Variants in RC3H1 observed in about 807,000 individuals in gnomAD.
RC3H1 encodes ring finger and CCCH-type domains 1.
Under a neutral mutation model 138.2 loss-of-function variants are expected in RC3H1, and 50 were observed. The observed-to-expected ratio is 0.36, with a 90% CI of 0.29 to 0.46. The LOEUF (loss-of-function observed/expected upper bound fraction) is 0.46, where lower values mean the gene tolerates loss of function less well. RC3H1 is among the 20% of genes least tolerant of loss of function. The pLI is 1.00. For synonymous variants in RC3H1, 462 were observed against 489.1 expected, an observed-to-expected ratio of 0.94 and a Z score of 0.73; for missense variants, 1,031 against 1,388.1, an observed-to-expected ratio of 0.74 and a Z score of 4.09.
Position 173,932,173 on chromosome 1 carries a change from T to C in RC3H1, c.*6548A>G, listed in dbSNP as rs1004927959. ...GCACAATCACTTACAATCAATACGATTGGTAAATTACACAAGCTCTATCCC... is the reference window on the plus strand; with the variant it reads ...GCACAATCACTTACAATCAATACGACTGGTAAATTACACAAGCTCTATCCC... On this transcript the variant is annotated 3_prime_UTR_variant, in exon 20 of 20. Coordinates refer to ENST00000367696, the MANE Select transcript of RC3H1 (RefSeq NM_172071.4). 9.9e-5 allele frequency: 15 copies of C among 151,928 alleles called. No homozygotes were observed. Among genetic ancestry groups the C allele is most frequent in the African/African-American group, 2.2e-4 (9 of 41,348 alleles). 9.4% of individuals were successfully genotyped at this position (151,928 alleles called of 1,614,324 possible).
rs1474474880 is a variant in RC3H1, at chr1:173,938,474, C to T, written c.*247G>A. 1 of 295,650 alleles carries T rather than the reference C, an allele frequency of 3.4e-6. No individual in the cohort carries two copies. Among genetic ancestry groups the T allele is most frequent in the African/African-American group, 2.2e-5 (1 of 46,132 alleles). 18.3% of individuals were successfully genotyped at this position (295,650 alleles called of 1,614,324 possible). A position where few individuals can be genotyped will look rare whatever the true frequency, so the allele number is the denominator to read the frequency against. ...ATAAAGTTCATTCACAGAACAAAAA[C>T]AAATTTAATCTGAATTGCTTGCAGA... is the stretch of plus-strand genomic sequence containing the variant. On this transcript the variant is annotated 3_prime_UTR_variant, in exon 20 of 20. Transcript: ENST00000367696.
chr1:173,998,443 T>C (rs1661503685), intron 1 of RC3H1, among the ~76,000 whole-genome samples: 1 of 152,168 alleles, frequency 6.6e-6, no homozygotes, highest in Non-Finnish European at 1.5e-5. Flanking sequence ...TAATACAGAA[T>C]ATACATGATA....
rs1422966590 is a variant in RC3H1 at position 173,983,624 on chromosome 1, A to G, written c.386T>C (p.Leu129Pro). The part of the protein sequence containing the change: ...VGLNSTTQSV[L>P]SRPMQRKLVT... ...AAGCTTCCTCTGCATTGGGCGACTC[A>G]GAACACTCTGAGTAGTGCTGTTCAG... Residue 129 changes from leucine to proline, a missense_variant, in exon 4 of 20, where the codon CTG becomes CCG. Leu to Pro is a moderately conservative substitution (Grantham distance 98). Coordinates refer to ENST00000367696, the MANE Select transcript of RC3H1 (RefSeq NM_172071.4). 1 of 1,614,220 alleles carries G rather than the reference A, an allele frequency of 6.2e-7. No individual in the cohort carries two copies. Among genetic ancestry groups the G allele is most frequent in the Admixed American group, 1.7e-5 (1 of 60,032 alleles).
chr1:173,943,511 A>T lies in RC3H1; in HGVS notation c.3066T>A (p.Ser1022Arg), dbSNP rs748822311. 2 of 1,614,078 alleles carry T rather than the reference A, an allele frequency of 1.2e-6. No individual in the cohort carries two copies. The highest frequency in any genetic ancestry group is 2.2e-5 in the South Asian group (2 of 91,052). The stretch of plus-strand genomic sequence containing the variant: ...GGTGCAGTTCCAAGCTCAACTGCTC[A>T]CTTGAGATCATCCCAGGCCATTTTG... ...PPPKWPGMIS[S>R]EQLSLELHQV... The change falls in exon 18 of 20, where the codon AGT (serine) becomes AGA (arginine). Residue 1022 changes from serine (S) to arginine (R), a missense_variant. This residue lies in a region of RC3H1 where 716 missense variants were observed against 837.9 expected (regional missense o/e 0.85). Coordinates refer to ENST00000367696, the MANE Select transcript of RC3H1 (RefSeq NM_172071.4).
At chr1:173,971,570 C>T (rs759876615) in intron 8 of RC3H1, among the ~76,000 whole-genome samples, 1 of 152,128 alleles carries the variant, frequency 6.6e-6, no homozygotes, top group Non-Finnish European at 1.5e-5. Flanking sequence ...TGAGACACAA[C>T]ACTAAACTGG....
chr1:173,983,781 T>C (rs1330677431), intron 3 of RC3H1, 124 bp from the exon 4 acceptor site: 1 of 911,024 alleles, frequency 1.1e-6, no homozygotes, highest in African/African-American at 1.7e-5. Context: ...GTATTTAAAA[T>C]AAGCAACAAA....
intron 3 of RC3H1, among the ~76,000 whole-genome samples, chr1:173,984,176 T>C (rs1439134163): frequency 6.6e-6 from 1 of 152,234 alleles, no homozygotes; most frequent in Non-Finnish European, 1.5e-5. Context: ...GTAGTTATAT[T>C]TGCTATTATC....
intron 19 of RC3H1, among the ~76,000 whole-genome samples, chr1:173,940,402 C>T (rs1658796231): frequency 1.3e-5 from 2 of 151,918 alleles, no homozygotes; most frequent in African/African-American, 2.4e-5. Flanking sequence ...ACCCAGGAGG[C>T]GGAGGTTGCC....
At chr1:174,014,100 A>G (rs922703423) in intron 1 of RC3H1, among the ~76,000 whole-genome samples, 1 of 152,216 alleles carries the variant, frequency 6.6e-6, no homozygotes, top group African/African-American at 2.4e-5. Context: ...GGACATTTTT[A>G]GGTCAATGAA....
chr1:173,960,107 C>CAAAAAAAA (rs58330993), intron 13 of RC3H1, among the ~76,000 whole-genome samples: 4 of 51,114 alleles, frequency 7.8e-5, no homozygotes. Flanking sequence ...GACTCCGACT[C>CAAAAAAAA]AAAAAAAAAA....
chr1:173,989,881 C>T (rs906544274), intron 2 of RC3H1, among the ~76,000 whole-genome samples: 1 of 150,172 alleles, frequency 6.7e-6, no homozygotes, highest in Non-Finnish European at 1.5e-5. Flanking sequence ...CGCCCGCCAC[C>T]GCGCCCGGCT....
At chr1:173,953,398 G>A (rs1659501010) in intron 13 of RC3H1, among the ~76,000 whole-genome samples, 1 of 151,760 alleles carries the variant, frequency 6.6e-6, no homozygotes, top group Admixed American at 6.6e-5. Context: ...CAGCCTCCCA[G>A]GTATCTGGGA....
At position 173,983,557 on chromosome 1, in the gene RC3H1, C is replaced by T. The variant is rs1660905414; in HGVS notation, c.453G>A (p.Arg151=). The change falls in exon 4 of 20, where the codon AGG becomes AGA. Residue 151 remains arginine (R), a synonymous_variant. Coordinates refer to ENST00000367696, the MANE Select transcript of RC3H1 (RefSeq NM_172071.4). ...VHCQLVEEEG[R]IRAMRAARSL... Reference sequence around the variant, plus strand: ...ATCGAGCTGCCCTCATGGCACGAATCCTGCCTTCTTCTTCTACTAGTTGAC... The same window carrying T: ...ATCGAGCTGCCCTCATGGCACGAATTCTGCCTTCTTCTTCTACTAGTTGAC... The T allele has an allele frequency of 6.2e-7, 1 of 1,614,202 alleles. No homozygotes were observed. The highest frequency in any genetic ancestry group is 8.5e-7 in the Non-Finnish European group (1 of 1,180,036).
chr1:174,015,898 T>C (rs973429308), intron 1 of RC3H1: 13 of 152,036 alleles, frequency 8.6e-5, no homozygotes, highest in African/African-American at 2.7e-4. Context: ...GTTGACACTA[T>C]CTACTTCAAG....
intron 14 of RC3H1, among the ~76,000 whole-genome samples, chr1:173,948,941 C>T (rs897930861): frequency 1.3e-5 from 2 of 151,892 alleles, no homozygotes; most frequent in African/African-American, 2.4e-5. Flanking sequence ...TGCTAATACT[C>T]GTGTTACTTT....
intron 1 of RC3H1, among the ~76,000 whole-genome samples, chr1:174,002,839 T>A (rs1661585567): frequency 6.6e-6 from 1 of 152,190 alleles, no homozygotes; most frequent in Non-Finnish European, 1.5e-5. Flanking sequence ...CTTGGAATAG[T>A]GTTGGTTCTT....
intron 2 of RC3H1, among the ~76,000 whole-genome samples, chr1:173,988,252 C>A (rs1049987569): frequency 6.6e-6 from 1 of 152,162 alleles, no homozygotes; most frequent in Non-Finnish European, 1.5e-5. Context: ...ACTCCTGAAT[C>A]CATGGCAACC....
rs149789512 is a variant in RC3H1, at chr1:173,952,593, T to G, written c.2371-455A>C. Among the ~76,000 whole-genome samples the G allele has an allele frequency of 2.5e-3, 381 of 152,228 alleles. 1 individual carries two copies. Among genetic ancestry groups the G allele is most frequent in the Non-Finnish European group, 4.7e-3 (322 of 67,988 alleles). ...AAGGTAAACAAGAACATTAAAAATT[T>G]TGATTTTTATAGTACATGATGATGT... is the stretch of plus-strand genomic sequence containing the variant. On this transcript the variant is annotated intron_variant, in intron 13 of 19. Transcript: ENST00000367696.
chr1:174,009,669 A>G (rs1661715239), intron 1 of RC3H1, among the ~76,000 whole-genome samples: 1 of 152,086 alleles, frequency 6.6e-6, no homozygotes, highest in Admixed American at 6.6e-5. Flanking sequence ...TGAACCCGTC[A>G]CTACCAAAAA....
Sources: allele counts gnomAD v4.1 joint callset (sites outside exome capture counted in the v4.1 genomes callset), GRCh38; gene constraint gnomAD v4.1.1; regional missense constraint gnomAD v4.1.1; transcripts MANE v1.5; gene names NCBI Gene and HGNC (gene_info 2026-07-23, HGNC 2026-07-21).